Variants in SPATA31F3 observed in about 807,000 individuals in gnomAD.
The protein encoded by SPATA31F3 is protein SPATA31F3.
the SPATA31F3 span, chr9:34,889,556 A>C: frequency 2.5e-6 from 1 of 398,544 alleles, no homozygotes; most frequent in Admixed American, 4.4e-5. Context: ...TGGATTCCTC[A>C]TGCCTTCGAT....
the SPATA31F3 span, among the ~76,000 whole-genome samples, chr9:34,891,281 G>A: frequency 3.3e-5 from 5 of 152,260 alleles, no homozygotes; most frequent in South Asian, 2.1e-4. Flanking sequence ...GGACAGGGGC[G>A]CCAAGTTGCT....
chr9:34,893,034 G>T, the SPATA31F3 span: 2 of 952,348 alleles, frequency 2.1e-6, no homozygotes, highest in East Asian at 2.6e-5. Context: ...AGGGAGATCT[G>T]GTTGTTCTCA....
At chr9:34,889,843 A>G in the SPATA31F3 span, among the ~76,000 whole-genome samples, 2 of 152,218 alleles carry the variant, frequency 1.3e-5, no homozygotes, top group African/African-American at 2.4e-5. Flanking sequence ...CCAGCAAGTA[A>G]TGGCCCAGTA....
the SPATA31F3 span, chr9:34,895,513 G>T: frequency 2.5e-6 from 1 of 398,478 alleles, no homozygotes; most frequent in Non-Finnish European, 4.4e-6. Flanking sequence ...AGTAACAAGA[G>T]AAAGCTCGGG....
At chr9:34,889,249 A>G in the SPATA31F3 span, 2 of 398,554 alleles carry the variant, frequency 5.0e-6, no homozygotes, top group Non-Finnish European at 8.8e-6. Flanking sequence ...GACCTGGGAT[A>G]GATTTCCTGG....
the SPATA31F3 span, among the ~76,000 whole-genome samples, chr9:34,892,225 G>T: frequency 1.3e-5 from 2 of 152,146 alleles, no homozygotes; most frequent in African/African-American, 4.8e-5. Flanking sequence ...TGGGGTTTGG[G>T]ATTTGTTCAC....
At chr9:34,889,563 C>T in the SPATA31F3 span, 15 of 398,424 alleles carry the variant, frequency 3.8e-5, no homozygotes, top group African/African-American at 6.2e-5. Context: ...CTCATGCCTT[C>T]GATCTTTCAT....
chr9:34,893,235 C>T, the SPATA31F3 span: 60 of 445,116 alleles, frequency 1.3e-4, no homozygotes, highest in Middle Eastern at 1.4e-3. Context: ...TGGCATTGTC[C>T]TTTCCCAGTC....
At chr9:34,889,254 T>G in the SPATA31F3 span, 2 of 398,686 alleles carry the variant, frequency 5.0e-6, no homozygotes, top group African/African-American at 2.1e-5. Context: ...GGGATAGATT[T>G]CCTGGTTGAG....
the SPATA31F3 span, among the ~76,000 whole-genome samples, chr9:34,892,173 C>T: frequency 1.3e-5 from 2 of 152,092 alleles, no homozygotes; most frequent in Admixed American, 6.6e-5. Context: ...GGACAGAGGC[C>T]ACTTAGAAGC....
the SPATA31F3 span, chr9:34,894,297 ACTCT>A: frequency 2.5e-6 from 1 of 394,720 alleles, no homozygotes; most frequent in Non-Finnish European, 4.5e-6. Context: ...TGCCCTGGTA[ACTCT>A]CTCAACTAGT....
the SPATA31F3 span, chr9:34,889,069 G>A: frequency 2.5e-6 from 1 of 398,408 alleles, no homozygotes; most frequent in African/African-American, 2.1e-5. Flanking sequence ...GTGGCTCTTT[G>A]CTTAAAGGTA....
chr9:34,889,917 G>C, the SPATA31F3 span, among the ~76,000 whole-genome samples: 3 of 152,182 alleles, frequency 2.0e-5, no homozygotes, highest in Non-Finnish European at 4.4e-5. Context: ...GTTTGGATGA[G>C]GTTATTCGGC....
chr9:34,889,229 A>T, the SPATA31F3 span: 2 of 398,498 alleles, frequency 5.0e-6, no homozygotes, highest in Admixed American at 8.8e-5. Context: ...CCTTCTGCTG[A>T]GGTGAGTTAG....
chr9:34,895,698 A>G, the SPATA31F3 span: 5 of 404,946 alleles, frequency 1.2e-5, no homozygotes, highest in East Asian at 1.8e-4. Context: ...CCAACATCCC[A>G]CAAAACAAAG....
chr9:34,893,363 G>A, the SPATA31F3 span, among the ~76,000 whole-genome samples: 1 of 152,124 alleles, frequency 6.6e-6, no homozygotes, highest in African/African-American at 2.4e-5. Flanking sequence ...CACTTTGGGA[G>A]GCTGAGGTGG....
At chr9:34,895,541 G>A in the SPATA31F3 span, 1 of 398,416 alleles carries the variant, frequency 2.5e-6, no homozygotes, top group Non-Finnish European at 4.4e-6. Context: ...TCTTGTTTGA[G>A]GCACATCAAT....
chr9:34,893,627 A>T, the SPATA31F3 span, among the ~76,000 whole-genome samples: 1 of 151,660 alleles, frequency 6.6e-6, no homozygotes, highest in Admixed American at 6.6e-5. Flanking sequence ...AAAAGAAAAG[A>T]AAAAGAAAAA....
the SPATA31F3 span, among the ~76,000 whole-genome samples, chr9:34,895,297 C>T: frequency 2.0e-5 from 3 of 152,108 alleles, no homozygotes; most frequent in Non-Finnish European, 4.4e-5. Context: ...TCCATGCCTC[C>T]CACCCCCATT....
Sources: gnomAD v4.1 joint callset for allele counts (sites outside exome capture counted in the v4.1 genomes callset) on GRCh38, gnomAD v4.1.1 for gene constraint, MANE v1.5 for transcripts, NCBI Gene and HGNC (gene_info 2026-07-23, HGNC 2026-07-21) for gene names.